Variants in RAPGEF6 observed in about 807,000 individuals in gnomAD.
RAPGEF6 encodes Rap guanine nucleotide exchange factor 6, also known as PDZ domain containing guanine nucleotide exchange factor (GEF) 2.
RAPGEF6 carries 56 observed loss-of-function variants against 171.4 expected under a neutral mutation model. The observed-to-expected ratio is 0.33, with a 90% CI of 0.26 to 0.41. RAPGEF6 has a LOEUF of 0.41. RAPGEF6 is among the 10% of genes least tolerant of loss of function. RAPGEF6 has a pLI of 1.00. For synonymous variants in RAPGEF6, 692 were observed against 650.1 expected (o/e 1.06, Z -0.98); for missense variants, 1,674 against 1,921.4 (o/e 0.87, Z 2.41).
At chr5:131,575,585 T>C (rs1762557398) in intron 4 of RAPGEF6, among the ~76,000 whole-genome samples, 1 of 152,212 alleles carries the variant, frequency 6.6e-6, no homozygotes, top group Non-Finnish European at 1.5e-5. Context: ...CTTTCGCCTT[T>C]GGATACCAGG....
At chr5:131,535,294 C>G (rs1456275019) in intron 6 of RAPGEF6, among the ~76,000 whole-genome samples, 1 of 152,124 alleles carries the variant, frequency 6.6e-6, no homozygotes, top group Non-Finnish European at 1.5e-5. Context: ...CACCAGCATT[C>G]TGAGGAAATA....
chr5:131,540,922 G>C (rs911863601), intron 6 of RAPGEF6, among the ~76,000 whole-genome samples: 1 of 152,154 alleles, frequency 6.6e-6, no homozygotes, highest in East Asian at 1.9e-4. Flanking sequence ...CCAGCACTTT[G>C]GGAGGCCAAG....
intron 4 of RAPGEF6, among the ~76,000 whole-genome samples, chr5:131,574,845 G>A (rs552978748): frequency 7.9e-5 from 12 of 151,906 alleles, no homozygotes; most frequent in South Asian, 6.2e-4. Context: ...CCCTTACCCC[G>A]CTCAACGCCA....
intron 4 of RAPGEF6, among the ~76,000 whole-genome samples, chr5:131,575,557 C>T (rs559628216): frequency 1.3e-5 from 2 of 152,304 alleles, no homozygotes; most frequent in South Asian, 4.1e-4. Context: ...TCCTTTCCTT[C>T]CTAGGCGTGG....
rs564223445 is a variant in RAPGEF6 at position 131,622,543 on chromosome 5, G to A, written c.69+12419C>T. Among the ~76,000 whole-genome samples, 14 of 152,296 alleles carry A rather than the reference G, an allele frequency of 9.2e-5. No individual in the cohort carries two copies. The East Asian group carries it at 9.6e-4, about 10-fold the overall frequency. Reference sequence around the variant, plus strand: ...CTTTGGCATGTAATGCCAAACATGCGTTGCTTATGCCTCAAACATGTGTTG... The same window carrying A: ...CTTTGGCATGTAATGCCAAACATGCATTGCTTATGCCTCAAACATGTGTTG... On this transcript the variant is annotated intron_variant, in intron 1 of 27. Transcript: ENST00000509018.
At chr5:131,441,627 T>C (rs889774386) in intron 23 of RAPGEF6, among the ~76,000 whole-genome samples, 3 of 152,248 alleles carry the variant, frequency 2.0e-5, no homozygotes, top group Non-Finnish European at 4.4e-5. Flanking sequence ...AGACACATTA[T>C]ATTGAAGTTA....
intron 17 of RAPGEF6, chr5:131,469,742 T>A: frequency 2.3e-6 from 3 of 1,281,564 alleles, no homozygotes; most frequent in Non-Finnish European, 3.1e-6. Flanking sequence ...TTTTAAAAAA[T>A]AACAAAATAA....
At chr5:131,452,682 G>C (rs1753181303) in intron 21 of RAPGEF6, among the ~76,000 whole-genome samples, 2 of 149,662 alleles carry the variant, frequency 1.3e-5, no homozygotes. Context: ...TAGCTAGGAT[G>C]GTCTCGATCT....
intron 1 of RAPGEF6, among the ~76,000 whole-genome samples, chr5:131,611,583 A>T (rs1764936888): frequency 2.0e-5 from 3 of 152,154 alleles, no homozygotes; most frequent in African/African-American, 4.8e-5. Context: ...CAGGCACAAA[A>T]ATCACTTGAA....
chr5:131,444,262 G>A (rs899034255), intron 22 of RAPGEF6, among the ~76,000 whole-genome samples: 3 of 152,184 alleles, frequency 2.0e-5, no homozygotes, highest in African/African-American at 7.2e-5. Flanking sequence ...GGGACCCCAA[G>A]AGAAAATTGC....
intron 7 of RAPGEF6, 80 bp downstream of exon 7, chr5:131,521,300 AAAGATATGTT>A: frequency 7.6e-7 from 1 of 1,316,854 alleles, no homozygotes; most frequent in Non-Finnish European, 1.0e-6. Flanking sequence ...TCATACTCTA[AAAGATATGTT>A]AACCATCTAA....
At chr5:131,496,328 G>GT (rs1756640797) in intron 12 of RAPGEF6, among the ~76,000 whole-genome samples, 1 of 152,126 alleles carries the variant, frequency 6.6e-6, no homozygotes, top group South Asian at 2.1e-4. Flanking sequence ...GCCTAACAAT[G>GT]TAAGAAATGA....
At chr5:131,443,044 A>G (rs563792171) in intron 22 of RAPGEF6, among the ~76,000 whole-genome samples, 1 of 151,980 alleles carries the variant, frequency 6.6e-6, no homozygotes, top group South Asian at 2.1e-4. Context: ...TCAAGTGTTC[A>G]AGTGATTCTC....
At chr5:131,547,960 G>A in intron 6 of RAPGEF6, 87 bp downstream of exon 6, 1 of 1,418,652 alleles carries the variant, frequency 7.0e-7, no homozygotes, top group Non-Finnish European at 9.7e-7. Flanking sequence ...AGCCCAGCAT[G>A]TTGATATTAC....
At chr5:131,524,378 T>C (rs2149913478) in intron 6 of RAPGEF6, among the ~76,000 whole-genome samples, 1 of 152,310 alleles carries the variant, frequency 6.6e-6, no homozygotes, top group East Asian at 1.9e-4. Context: ...CATGAAGCTG[T>C]AGTAGCAGAC....
intron 17 of RAPGEF6, among the ~76,000 whole-genome samples, chr5:131,467,685 TA>T (rs1237657163): frequency 1.3e-5 from 2 of 152,304 alleles, no homozygotes; most frequent in Non-Finnish European, 1.5e-5. Context: ...GGCACAAATC[TA>T]AAATGCAGAC....
rs146662149 is a variant in RAPGEF6, at chr5:131,610,036, T to A, written c.70-5343A>T. On this transcript the variant is annotated intron_variant, in intron 1 of 27. Coordinates refer to ENST00000509018, the MANE Select transcript of RAPGEF6 (RefSeq NM_016340.6). ...ACGCTGTAATAACCTTATAAAGGCA[T>A]AGCTGAACTTTCAGCTTAAAGGCAA... is the stretch of plus-strand genomic sequence containing the variant. 4.8e-3 allele frequency among the ~76,000 whole-genome samples: 725 copies of A among 152,320 alleles called. 5 individuals carry two copies. Among genetic ancestry groups the A allele is most frequent in the African/African-American group, 0.017 (688 of 41,578 alleles).
At chr5:131,630,978 C>A (rs1766268650) in intron 1 of RAPGEF6, among the ~76,000 whole-genome samples, 1 of 152,162 alleles carries the variant, frequency 6.6e-6, no homozygotes. Flanking sequence ...GCTTCTAGGG[C>A]ACCACCACTC....
chr5:131,577,551 C>G (rs1247288704), intron 4 of RAPGEF6, among the ~76,000 whole-genome samples: 5 of 152,188 alleles, frequency 3.3e-5, no homozygotes, highest in Admixed American at 3.3e-4. Flanking sequence ...TGCTAATCTT[C>G]TCTTGTCTAC....
Sources: allele counts gnomAD v4.1 joint callset (sites outside exome capture counted in the v4.1 genomes callset), GRCh38; gene constraint gnomAD v4.1.1; transcripts MANE v1.5; gene names NCBI Gene and HGNC (gene_info 2026-07-23, HGNC 2026-07-21).